FERMT2: variants seen among roughly 807,000 people sequenced by gnomAD.
FERMT2 encodes FERM domain containing kindlin 2.
A neutral mutation model predicts 82.7 loss-of-function variants in FERMT2; 15 were observed. The observed-to-expected ratio is 0.18, with a 90% confidence interval of 0.12 to 0.28. The LOEUF is 0.28. Ranked by LOEUF, FERMT2 falls within the 10% of genes least tolerant of loss-of-function variation. The pLI is 1.00. For synonymous variants in FERMT2, 274 were observed against 271.5 expected (o/e 1.01, Z -0.09); for missense variants, 645 against 809.4 (o/e 0.80, Z 2.46).
At chr14:52,922,439 C>T (rs1889012593) in intron 2 of FERMT2, among the ~76,000 whole-genome samples, 1 of 151,580 alleles carries the variant, frequency 6.6e-6, no homozygotes. Context: ...AGAGGGGGGC[C>T]TCCATAGCAC....
chr14:52,879,839 G>A (rs371977099), intron 6 of FERMT2, among the ~76,000 whole-genome samples: 3 of 152,126 alleles, frequency 2.0e-5, no homozygotes, highest in Non-Finnish European at 4.4e-5. Flanking sequence ...GGGGAAAAAA[G>A]CTCCAGATAT....
intron 9 of FERMT2, chr14:52,873,547 G>A (rs1458221664): frequency 6.6e-6 from 1 of 152,450 alleles, no homozygotes; most frequent in Non-Finnish European, 1.5e-5. Flanking sequence ...CTGAAATCAT[G>A]CCCTTATCTC....
chr14:52,929,951 T>C (rs920304888), intron 2 of FERMT2, among the ~76,000 whole-genome samples: 1 of 152,168 alleles, frequency 6.6e-6, no homozygotes, highest in Non-Finnish European at 1.5e-5. Flanking sequence ...GCAAGAAATA[T>C]TTAACAAATG....
chr14:52,861,781 TAATA>T (rs916779812), intron 12 of FERMT2: 1 of 152,292 alleles, frequency 6.6e-6, no homozygotes, highest in African/African-American at 2.4e-5. Flanking sequence ...CATGTTTAGT[TAATA>T]TATATATAAT....
chr14:52,910,824 T>C (rs1337979527), intron 3 of FERMT2, among the ~76,000 whole-genome samples: 1 of 152,200 alleles, frequency 6.6e-6, no homozygotes, highest in African/African-American at 2.4e-5. Context: ...GGTAACAATA[T>C]ATTTTGGTAG....
intron 2 of FERMT2, among the ~76,000 whole-genome samples, chr14:52,931,156 G>A (rs1363155269): frequency 6.6e-6 from 1 of 152,110 alleles, no homozygotes; most frequent in Non-Finnish European, 1.5e-5. Flanking sequence ...ACTATCATAT[G>A]CCAGGCACTA....
At chr14:52,877,120 G>A (rs2140104979) in intron 7 of FERMT2, among the ~76,000 whole-genome samples, 1 of 152,176 alleles carries the variant, frequency 6.6e-6, no homozygotes, top group South Asian at 2.1e-4. Flanking sequence ...TTACAAACAC[G>A]TTTTGAGCAC....
intron 3 of FERMT2, among the ~76,000 whole-genome samples, chr14:52,898,699 C>T (rs1887441944): frequency 6.7e-6 from 1 of 150,198 alleles, no homozygotes; most frequent in Admixed American, 6.8e-5. Context: ...GTCTACACTG[C>T]TTCAACATTA....
At chr14:52,922,971 C>G (rs368091878) in intron 2 of FERMT2, among the ~76,000 whole-genome samples, 6 of 152,260 alleles carry the variant, frequency 3.9e-5, no homozygotes, top group African/African-American at 1.4e-4. Flanking sequence ...TACTACACAC[C>G]TAGGTTATAT....
chr14:52,924,914 A>G (rs1229949916), intron 2 of FERMT2, among the ~76,000 whole-genome samples: 1 of 152,218 alleles, frequency 6.6e-6, no homozygotes, highest in Non-Finnish European at 1.5e-5. Flanking sequence ...ATTTATAATT[A>G]TCATTCACTA....
chr14:52,943,478 G>T (rs933576812), intron 2 of FERMT2, among the ~76,000 whole-genome samples: 2 of 152,018 alleles, frequency 1.3e-5, no homozygotes, highest in African/African-American at 2.4e-5. Flanking sequence ...TGCGAAATGA[G>T]ATTCTGGATG....
In FERMT2 at chr14:52,919,100, A is replaced by G. The variant is rs750479837; in HGVS notation, c.391+23T>C. The G allele has an allele frequency of 3.9e-6, 6 of 1,522,294 alleles. No homozygotes were observed. In the Admixed American group the frequency reaches 8.5e-5, roughly 22 times the overall value. 94.3% of individuals were successfully genotyped at this position (1,522,294 alleles called of 1,614,324 possible). A position where few individuals can be genotyped will look rare whatever the true frequency, so the allele number is the denominator to read the frequency against. On this transcript the variant is annotated intron_variant, in intron 3 of 14. Coordinates refer to ENST00000341590, the MANE Select transcript of FERMT2 (RefSeq NM_006832.3). ...TGTACATCACATAACTCGTATTTTA[A>G]GAAGAATTTATGTAATACTTACTAA...
intron 2 of FERMT2, chr14:52,928,087 G>A (rs1195280146): frequency 9.8e-6 from 3 of 305,594 alleles, no homozygotes; most frequent in African/African-American, 2.2e-5. Context: ...ATGAAGAGGA[G>A]GTTAAAATAT....
In FERMT2 at chr14:52,860,403, C is replaced by T; in HGVS notation, c.1665G>A (p.Lys555=). ...ACTGCCAAGCTTGAATAAATCTCATCTTGGCTTCAATTAGACTCATCTGAG... is the reference window on the plus strand; with the variant it reads ...ACTGCCAAGCTTGAATAAATCTCATTTTGGCTTCAATTAGACTCATCTGAG... The part of the protein sequence containing the change: ...NVAQMSLIEA[K]MRFIQAWQSL... The change falls in exon 13 of 15, where the codon AAG becomes AAA. Residue 555 remains lysine (K), a synonymous_variant. Coordinates refer to ENST00000341590, the MANE Select transcript of FERMT2 (RefSeq NM_006832.3). The T allele has an allele frequency of 6.2e-7, 1 of 1,613,856 alleles. No individual in the cohort carries two copies. Among genetic ancestry groups the T allele is most frequent in the Non-Finnish European group, 8.5e-7 (1 of 1,179,838 alleles).
At position 52,859,691 on chromosome 14, in the gene FERMT2, T is replaced by A. The variant is rs767862305; in HGVS notation, c.1751A>T (p.Glu584Val). 2 of 1,597,042 alleles carry A rather than the reference T, an allele frequency of 1.3e-6. No individual in the cohort carries two copies. The highest frequency in any genetic ancestry group is 1.1e-5 in the South Asian group (1 of 87,376). The change falls in exon 14 of 15, where the codon GAA (glutamate) becomes GTA (valine). Residue 584 changes from glutamate to valine, a missense_variant. Transcript: ENST00000341590. The stretch of plus-strand genomic sequence containing the variant: ...TCTGTTGTATGCAATTCCAATAAGT[T>A]CTTCTTTTTTGCCCCCTTGGAACCT... ...IARFQGGKKE[E>V]LIGIAYNRLI...
chr14:52,908,718 CA>C, intron 3 of FERMT2, among the ~76,000 whole-genome samples: 1 of 152,280 alleles, frequency 6.6e-6, no homozygotes, highest in South Asian at 2.1e-4. Context: ...GTCCACTGGT[CA>C]AAATGCACTG....
At chr14:52,937,012 A>G (rs1889867775) in intron 2 of FERMT2, among the ~76,000 whole-genome samples, 1 of 151,934 alleles carries the variant, frequency 6.6e-6, no homozygotes, top group African/African-American at 2.4e-5. Context: ...ATACAAAAAA[A>G]TTAGCCAGGC....
chr14:52,921,225 A>G (rs1050909463), intron 2 of FERMT2, among the ~76,000 whole-genome samples: 1 of 152,218 alleles, frequency 6.6e-6, no homozygotes, highest in Non-Finnish European at 1.5e-5. Context: ...TGGAAGAAAC[A>G]TGCCACAGGT....
At chr14:52,861,163 C>CA (rs1409684339) in intron 12 of FERMT2, 4 of 698,466 alleles carry the variant, frequency 5.7e-6, no homozygotes, top group Non-Finnish European at 9.6e-6. Context: ...AAAAGTCATG[C>CA]AAAAAACTAC....
Sources: allele counts gnomAD v4.1 joint callset (sites outside exome capture counted in the v4.1 genomes callset), GRCh38; gene constraint gnomAD v4.1.1; transcripts MANE v1.5; gene names NCBI Gene and HGNC (gene_info 2026-07-23, HGNC 2026-07-21).